The following COL21A1 variants were observed in gnomAD, a reference collection of about 807,000 sequenced individuals.
COL21A1 encodes collagen alpha-1(XXI) chain.
In COL21A1, 149 loss-of-function variants were observed where a neutral mutation model predicts 137.9. That is an observed-to-expected ratio of 1.08 (90% CI 0.95 to 1.24). COL21A1 has a LOEUF of 1.24. Ranked by LOEUF, COL21A1 falls within the 50% of genes most tolerant of loss-of-function variation. The pLI, the probability that COL21A1 is intolerant of heterozygous loss-of-function variation, is 0.00. For missense variants in COL21A1, 1,167 were observed against 1,158.4 expected, an observed-to-expected ratio of 1.01 and a Z score of -0.11; for synonymous variants, 456 against 391.5, an observed-to-expected ratio of 1.16 and a Z score of -1.95.
chr6:56,114,787 T>G (rs1771766833), intron 16 of COL21A1, among the ~76,000 whole-genome samples: 1 of 148,296 alleles, frequency 6.7e-6, no homozygotes. Flanking sequence ...GATCTAGAAC[T>G]GGAAATACCA....
chr6:56,160,202 T>C (rs528613321), intron 9 of COL21A1, among the ~76,000 whole-genome samples: 12 of 152,354 alleles, frequency 7.9e-5, no homozygotes, highest in African/African-American at 2.9e-4. Flanking sequence ...TTACTGTTAA[T>C]AAAAGCTGAC....
intron 10 of COL21A1, among the ~76,000 whole-genome samples, chr6:56,156,477 G>A (rs372742467): frequency 5.3e-5 from 8 of 152,108 alleles, no homozygotes; most frequent in African/African-American, 1.7e-4. Flanking sequence ...TCTTTCTCAA[G>A]GACCTGAGAG....
At chr6:56,078,846 C>T (rs751431149) in intron 17 of COL21A1, among the ~76,000 whole-genome samples, 10 of 151,368 alleles carry the variant, frequency 6.6e-5, no homozygotes, top group Non-Finnish European at 1.3e-4. Context: ...AATCTAGTTG[C>T]AAAGACAGGC....
At chr6:56,161,546 C>A (rs1177011212) in intron 9 of COL21A1, among the ~76,000 whole-genome samples, 1 of 152,170 alleles carries the variant, frequency 6.6e-6, no homozygotes, top group Non-Finnish European at 1.5e-5. Flanking sequence ...CTATTAAGCA[C>A]TGTGCCAGAC....
At chr6:56,285,881 T>C (rs1396140503) in intron 1 of COL21A1, among the ~76,000 whole-genome samples, 1 of 151,516 alleles carries the variant, frequency 6.6e-6, no homozygotes, top group Non-Finnish European at 1.5e-5. Context: ...TGCTTACTCT[T>C]TTCTTCCTGC....
intron 18 of COL21A1, among the ~76,000 whole-genome samples, chr6:56,076,931 T>C (rs1388863939): frequency 1.3e-5 from 2 of 151,362 alleles, no homozygotes; most frequent in African/African-American, 4.8e-5. Flanking sequence ...CATATTGTAG[T>C]GAATTTGAAG....
chr6:56,129,946 A>G (rs890164166), intron 12 of COL21A1, among the ~76,000 whole-genome samples: 1 of 146,960 alleles, frequency 6.8e-6, no homozygotes, highest in Non-Finnish European at 1.5e-5. Context: ...TTGAATATAT[A>G]TATTCAAAGT....
intron 16 of COL21A1, among the ~76,000 whole-genome samples, chr6:56,110,339 A>C (rs1275484393): frequency 6.6e-6 from 1 of 151,008 alleles, no homozygotes; most frequent in Non-Finnish European, 1.5e-5. Context: ...ATAAAAGGGA[A>C]TTTTCTCATC....
chr6:56,390,222 T>C (rs570469649), intron 1 of COL21A1, among the ~76,000 whole-genome samples: 1 of 152,026 alleles, frequency 6.6e-6, no homozygotes, highest in Admixed American at 6.5e-5. Context: ...CTCTGCTATG[T>C]GTTTGTTTGT....
At chr6:56,168,376 C>T in intron 5 of COL21A1, 79 bp from the exon 6 acceptor site, 1 of 1,204,292 alleles carries the variant, frequency 8.3e-7, no homozygotes, top group African/African-American at 1.5e-5. Context: ...CTCCCTTGTT[C>T]CTAACCATTG....
chr6:56,298,126 A>G (rs1216701363), intron 1 of COL21A1, among the ~76,000 whole-genome samples: 1 of 151,302 alleles, frequency 6.6e-6, no homozygotes, highest in East Asian at 1.9e-4. Context: ...AAAACCTTGC[A>G]CACATGGTTG....
At chr6:56,300,347 G>A (rs1192981009) in intron 1 of COL21A1, among the ~76,000 whole-genome samples, 1 of 151,962 alleles carries the variant, frequency 6.6e-6, no homozygotes, top group African/African-American at 2.4e-5. Context: ...CTGAGTAACA[G>A]GTACCTGAGT....
At chr6:56,209,153 T>C (rs554880196) in intron 1 of COL21A1, among the ~76,000 whole-genome samples, 2 of 152,152 alleles carry the variant, frequency 1.3e-5, no homozygotes, top group East Asian at 3.9e-4. Context: ...AGACTTAAAC[T>C]AAGACCTAAA....
chr6:56,382,639 C>T (rs1365831250), intron 1 of COL21A1, among the ~76,000 whole-genome samples: 1 of 152,000 alleles, frequency 6.6e-6, no homozygotes, highest in Non-Finnish European at 1.5e-5. Flanking sequence ...AGAGGAAGAT[C>T]CTTTCCTCTC....
At chr6:56,090,678 CAATA>C (rs1308378994) in intron 17 of COL21A1, among the ~76,000 whole-genome samples, 1 of 151,812 alleles carries the variant, frequency 6.6e-6, no homozygotes, top group East Asian at 1.9e-4. Context: ...ATTACTATGA[CAATA>C]AATTATTATA....
intron 1 of COL21A1, among the ~76,000 whole-genome samples, chr6:56,388,617 G>A (rs1333708475): frequency 2.0e-5 from 3 of 152,144 alleles, no homozygotes; most frequent in African/African-American, 7.2e-5. Context: ...GTGACTACAG[G>A]CTTAAATCAC....
rs35583895 is a variant in COL21A1, at chr6:56,141,934, A to G, written c.1484T>C (p.Ile495Thr). ...GTPGVPGSPG[I>T]QGARGLPGYK... ...GTATATAAGTGGATCACATACTTGT[A>G]TTCCTGGAGATCCTGGAACACCTGG... Residue 495 changes from isoleucine to threonine, a missense_variant, in exon 11 of 30, where the codon ATA becomes ACA. By Grantham distance (89) the Ile-to-Thr change is moderately conservative. Transcript: ENST00000244728. The G allele has an allele frequency of 3.3e-3, 5,155 of 1,549,742 alleles. 140 individuals carry two copies. In the African/African-American group the frequency reaches 0.061, roughly 18 times the overall value.
At chr6:56,318,402 A>G (rs2152340882) in intron 1 of COL21A1, among the ~76,000 whole-genome samples, 1 of 151,894 alleles carries the variant, frequency 6.6e-6, no homozygotes, top group East Asian at 1.9e-4. Flanking sequence ...TTCCTAGTGC[A>G]CTCACTCCCC....
At chr6:56,075,869 G>C (rs980336190) in intron 18 of COL21A1, among the ~76,000 whole-genome samples, 1 of 151,364 alleles carries the variant, frequency 6.6e-6, no homozygotes, top group Non-Finnish European at 1.5e-5. Context: ...ATATGATAGT[G>C]AACATAAATT....
Sources: gnomAD v4.1 joint callset for allele counts (sites outside exome capture counted in the v4.1 genomes callset) on GRCh38, gnomAD v4.1.1 for gene constraint, MANE v1.5 for transcripts, NCBI Gene and HGNC (gene_info 2026-07-23, HGNC 2026-07-21) for gene names.